Variants in PTPRD observed in about 807,000 individuals in gnomAD.
The protein encoded by PTPRD is receptor-type tyrosine-protein phosphatase delta.
A neutral mutation model predicts 214.5 loss-of-function variants in PTPRD; 34 were observed. The ratio of observed to expected loss-of-function variants is 0.16; its 90% confidence interval spans 0.12 to 0.21. PTPRD has a LOEUF of 0.21. PTPRD is among the 10% of genes least tolerant of loss of function. The pLI is 1.00. For synonymous variants in PTPRD, 1,128 were observed against 845.7 expected (o/e 1.33, Z -5.79); for missense variants, 2,545 against 2,398.7 (o/e 1.06, Z -1.27).
At chr9:8,392,418 T>G (rs959554930) in intron 36 of PTPRD, among the ~76,000 whole-genome samples, 26 of 152,016 alleles carry the variant, frequency 1.7e-4, no homozygotes, top group African/African-American at 6.0e-4. Flanking sequence ...CCCAGCTACC[T>G]GGGAGCCTGA....
At chr9:8,394,908 C>A (rs1430821795) in intron 36 of PTPRD, among the ~76,000 whole-genome samples, 1 of 151,960 alleles carries the variant, frequency 6.6e-6, no homozygotes, top group African/African-American at 2.4e-5. Flanking sequence ...GGTGGTCTGT[C>A]CATGGAAAGA....
intron 3 of PTPRD, among the ~76,000 whole-genome samples, chr9:10,036,374 C>A (rs541142124): frequency 6.6e-6 from 1 of 151,942 alleles, no homozygotes; most frequent in Admixed American, 6.6e-5. Flanking sequence ...CATTCTAAAG[C>A]CCTTTTGCTT....
At chr9:9,605,443 A>T (rs537215992) in intron 7 of PTPRD, among the ~76,000 whole-genome samples, 3 of 152,002 alleles carry the variant, frequency 2.0e-5, no homozygotes, top group Non-Finnish European at 4.4e-5. Context: ...GCTTCTACGT[A>T]TATTGTCACT....
chr9:8,973,038 A>C (rs2099248144), intron 11 of PTPRD, among the ~76,000 whole-genome samples: 1 of 151,994 alleles, frequency 6.6e-6, no homozygotes. Flanking sequence ...TCATAGCTGA[A>C]AGATATTATT....
chr9:10,017,316 A>T (rs1417327449), intron 4 of PTPRD, among the ~76,000 whole-genome samples: 1 of 151,742 alleles, frequency 6.6e-6, no homozygotes, highest in Non-Finnish European at 1.5e-5. Flanking sequence ...AATGTTCAGG[A>T]GTCCTTTTTG....
chr9:8,324,126 G>A (rs1831198037), intron 44 of PTPRD, among the ~76,000 whole-genome samples: 1 of 148,598 alleles, frequency 6.7e-6, no homozygotes, highest in Non-Finnish European at 1.5e-5. Flanking sequence ...TAAACTTTAA[G>A]TTCTGGGGTA....
At chr9:9,448,369 C>G (rs1021069572) in intron 8 of PTPRD, among the ~76,000 whole-genome samples, 1 of 151,878 alleles carries the variant, frequency 6.6e-6, no homozygotes, top group Non-Finnish European at 1.5e-5. Flanking sequence ...GTCAGTTTCC[C>G]CCATGCTGTT....
At chr9:8,791,776 C>T (rs996610994) in intron 11 of PTPRD, among the ~76,000 whole-genome samples, 6 of 151,996 alleles carry the variant, frequency 3.9e-5, no homozygotes, top group African/African-American at 1.4e-4. Context: ...GAAGAGAAGT[C>T]ATTTTTAATG....
intron 4 of PTPRD, among the ~76,000 whole-genome samples, chr9:9,955,025 G>C (rs912964212): frequency 7.9e-5 from 12 of 152,100 alleles, no homozygotes; most frequent in Non-Finnish European, 1.6e-4. Context: ...AAAATAAAGA[G>C]TACAGGTCAA....
chr9:10,507,862 G>T (rs1462199237), intron 2 of PTPRD, among the ~76,000 whole-genome samples: 1 of 152,054 alleles, frequency 6.6e-6, no homozygotes, highest in African/African-American at 2.4e-5. Context: ...GAAAACCTAG[G>T]CAACACCATT....
intron 14 of PTPRD, among the ~76,000 whole-genome samples, chr9:8,597,777 C>A (rs529104855): frequency 6.6e-6 from 1 of 152,226 alleles, no homozygotes; most frequent in Admixed American, 6.5e-5. Context: ...GGCATTCATA[C>A]AGAATCTGTC....
intron 13 of PTPRD, among the ~76,000 whole-genome samples, chr9:8,635,494 C>T (rs1407081730): frequency 6.6e-6 from 1 of 151,976 alleles, no homozygotes; most frequent in African/African-American, 2.4e-5. Flanking sequence ...TAATTTTAAA[C>T]TTCTCACTTG....
At chr9:9,145,321 G>C (rs2099866806) in intron 10 of PTPRD, among the ~76,000 whole-genome samples, 1 of 152,034 alleles carries the variant, frequency 6.6e-6, no homozygotes, top group African/African-American at 2.4e-5. Context: ...TTCATAGCAG[G>C]TTTAAGCTGC....
intron 10 of PTPRD, among the ~76,000 whole-genome samples, chr9:9,055,746 T>A (rs937137345): frequency 1.3e-4 from 20 of 150,558 alleles, no homozygotes; most frequent in African/African-American, 4.9e-4. Context: ...TTTAGATGTA[T>A]TTTATAACTA....
At chr9:10,577,967 A>G (rs1466860357) in intron 2 of PTPRD, among the ~76,000 whole-genome samples, 2 of 150,420 alleles carry the variant, frequency 1.3e-5, no homozygotes, top group Non-Finnish European at 2.9e-5. Flanking sequence ...GCTGGAGTGC[A>G]ATGGCGTGAT....
At chr9:9,662,913 C>A (rs1434084683) in intron 7 of PTPRD, among the ~76,000 whole-genome samples, 3 of 151,486 alleles carry the variant, frequency 2.0e-5, no homozygotes, top group Non-Finnish European at 4.4e-5. Flanking sequence ...GTTTTCACTG[C>A]AGTTCTTAAC....
intron 10 of PTPRD, among the ~76,000 whole-genome samples, chr9:9,075,367 G>A (rs1269054409): frequency 2.0e-5 from 3 of 151,740 alleles, no homozygotes; most frequent in Non-Finnish European, 4.4e-5. Context: ...TCACCCCGTT[G>A]TACTTTCAAA....
chr9:9,848,995 G>A (rs1471708010), intron 5 of PTPRD, among the ~76,000 whole-genome samples: 1 of 151,820 alleles, frequency 6.6e-6, no homozygotes, highest in Non-Finnish European at 1.5e-5. Context: ...AGAAATGTCT[G>A]AGCACGTCCA....
At chr9:10,571,877 C>T (rs1296003312) in intron 2 of PTPRD, among the ~76,000 whole-genome samples, 8 of 152,110 alleles carry the variant, frequency 5.3e-5, no homozygotes, top group African/African-American at 1.2e-4. Context: ...TGAAAGGAGG[C>T]GGAGCTCAGG....
Sources: gnomAD v4.1 joint callset for allele counts (sites outside exome capture counted in the v4.1 genomes callset) on GRCh38, gnomAD v4.1.1 for gene constraint, MANE v1.5 for transcripts, NCBI Gene and HGNC (gene_info 2026-07-23, HGNC 2026-07-21) for gene names.